Variants in LYPLAL1 observed in about 807,000 individuals in gnomAD.
LYPLAL1 encodes lysophospholipase-like protein 1.
In LYPLAL1, 23 loss-of-function variants were observed where a neutral mutation model predicts 19.7. The observed-to-expected ratio is 1.17, with a 90% CI of 0.84 to 1.65. LYPLAL1 has a LOEUF of 1.65. Ranked by LOEUF, LYPLAL1 falls within the 40% of genes most tolerant of loss-of-function variation. The pLI, the probability that LYPLAL1 is intolerant of heterozygous loss-of-function variation, is 0.00. For synonymous variants in LYPLAL1, 119 were observed against 96.3 expected (o/e 1.24, Z -1.38); for missense variants, 355 against 279.4 (o/e 1.27, Z -1.93).
chr1:219,210,623 G>A lies in LYPLAL1; in HGVS notation c.453G>A (p.Leu151=). The A allele has an allele frequency of 6.2e-7, 1 of 1,608,018 alleles. No individual in the cohort carries two copies. Among genetic ancestry groups the A allele is most frequent in the African/African-American group, 1.3e-5 (1 of 74,752 alleles). Residue 151 remains leucine (L), a synonymous_variant, in exon 4 of 5, where the codon CTG becomes CTA. Transcript: ENST00000366928. Reference sequence around the variant, plus strand: ...GAGTATTTGCTCTTTCTAGTTTTCTGAATAAAGCATCTGCTGTTTACCAGG... The same window carrying A: ...GAGTATTTGCTCTTTCTAGTTTTCTAAATAAAGCATCTGCTGTTTACCAGG... ...VAGVFALSSF[L]NKASAVYQAL...
At chr1:219,317,435 T>C in the LYPLAL1 span, among the ~76,000 whole-genome samples, 1 of 152,064 alleles carries the variant, frequency 6.6e-6, no homozygotes, top group Non-Finnish European at 1.5e-5. Context: ...CTGAGAGAGG[T>C]ACAGGGAAGT....
At chr1:219,398,039 T>C in the LYPLAL1 span, among the ~76,000 whole-genome samples, 1 of 152,216 alleles carries the variant, frequency 6.6e-6, no homozygotes, top group Non-Finnish European at 1.5e-5. Context: ...TTGGGGATCA[T>C]CTTCTTGTGA....
intron 3 of LYPLAL1, chr1:219,198,478 A>G (rs1373377264): frequency 1.3e-5 from 2 of 152,106 alleles, no homozygotes; most frequent in Non-Finnish European, 2.9e-5. Flanking sequence ...TCATGATTAC[A>G]CATTTGATAT....
chr1:219,244,039 T>A, the LYPLAL1 span, among the ~76,000 whole-genome samples: 1 of 151,326 alleles, frequency 6.6e-6, no homozygotes, highest in East Asian at 1.9e-4. Context: ...GCAGGCAAGA[T>A]CTCGGAGAGA....
the LYPLAL1 span, among the ~76,000 whole-genome samples, chr1:219,444,560 G>T: frequency 1.3e-5 from 2 of 152,178 alleles, no homozygotes; most frequent in African/African-American, 4.8e-5. Context: ...CTTCTGTTTT[G>T]AAATATTGAA....
chr1:219,302,781 A>G, the LYPLAL1 span, among the ~76,000 whole-genome samples: 1 of 151,664 alleles, frequency 6.6e-6, no homozygotes, highest in South Asian at 2.1e-4. Flanking sequence ...CCACTTTTTC[A>G]CATCCTTCTA....
At chr1:219,405,805 T>A in the LYPLAL1 span, among the ~76,000 whole-genome samples, 1 of 152,170 alleles carries the variant, frequency 6.6e-6, no homozygotes, top group South Asian at 2.1e-4. Flanking sequence ...ACAGTACCTC[T>A]GAGGAGGGTC....
At chr1:219,266,361 A>G in the LYPLAL1 span, among the ~76,000 whole-genome samples, 1 of 152,172 alleles carries the variant, frequency 6.6e-6, no homozygotes. Context: ...AGGGTCATCA[A>G]TATCACTGTC....
chr1:219,229,708 G>GC, the LYPLAL1 span, among the ~76,000 whole-genome samples: 1 of 152,228 alleles, frequency 6.6e-6, no homozygotes, highest in African/African-American at 2.4e-5. Context: ...TGGGGTCGGA[G>GC]CCCCATAGCC....
chr1:219,428,567 A>T, the LYPLAL1 span, among the ~76,000 whole-genome samples: 1 of 152,144 alleles, frequency 6.6e-6, no homozygotes, highest in African/African-American at 2.4e-5. Context: ...CCCTGACCTT[A>T]AAGAGCTTAC....
At chr1:219,399,213 G>A in the LYPLAL1 span, among the ~76,000 whole-genome samples, 1 of 152,186 alleles carries the variant, frequency 6.6e-6, no homozygotes, top group African/African-American at 2.4e-5. Flanking sequence ...CACACTGGTA[G>A]AGGCATTGGC....
At chr1:219,334,539 G>GTT in the LYPLAL1 span, among the ~76,000 whole-genome samples, 3 of 151,326 alleles carry the variant, frequency 2.0e-5, no homozygotes, top group Non-Finnish European at 4.4e-5. Context: ...GTGTGTGTGT[G>GTT]TGTGTGTGTG....
At chr1:219,419,592 C>CAGAGAGAGAGAGAGAGAGAGAG in the LYPLAL1 span, among the ~76,000 whole-genome samples, 4 of 62,682 alleles carry the variant, frequency 6.4e-5, no homozygotes, top group African/African-American at 1.9e-4. Flanking sequence ...CACACACACA[C>CAGAGAGAGAGAGAGAGAGAGAG]ACAGAGAGAG....
intron 2 of LYPLAL1, 24 bp from the exon 3 acceptor site, chr1:219,193,058 T>TAG: frequency 8.4e-7 from 1 of 1,192,570 alleles, no homozygotes; most frequent in South Asian, 1.8e-5. Flanking sequence ...TCTTTTTTTT[T>TAG]GGGGGGGGGC....
chr1:219,250,043 T>A, the LYPLAL1 span, among the ~76,000 whole-genome samples: 644 of 152,106 alleles, frequency 4.2e-3, 2 homozygotes, highest in Non-Finnish European at 7.3e-3. Flanking sequence ...ATTTATTAAT[T>A]TTCTTGTTTA....
the LYPLAL1 span, among the ~76,000 whole-genome samples, chr1:219,256,881 G>T: frequency 1.3e-5 from 2 of 151,608 alleles, no homozygotes; most frequent in African/African-American, 4.8e-5. Context: ...ATCTTTTTTT[G>T]TGGTTATTGC....
the LYPLAL1 span, among the ~76,000 whole-genome samples, chr1:219,219,123 C>T: frequency 1.3e-5 from 2 of 152,142 alleles, no homozygotes; most frequent in African/African-American, 2.4e-5. Context: ...TGAGGTGGAC[C>T]TGAATGCTTC....
chr1:219,206,464 C>T (rs1271405819), intron 3 of LYPLAL1, among the ~76,000 whole-genome samples: 1 of 151,992 alleles, frequency 6.6e-6, no homozygotes, highest in East Asian at 1.9e-4. Flanking sequence ...AAAAAATACA[C>T]AAAGTCCCTT....
the LYPLAL1 span, among the ~76,000 whole-genome samples, chr1:219,322,178 A>C: frequency 6.6e-6 from 1 of 152,162 alleles, no homozygotes; most frequent in Non-Finnish European, 1.5e-5. Flanking sequence ...CAGGTTTATC[A>C]TCACTGCCTG....
Sources: allele counts gnomAD v4.1 joint callset (sites outside exome capture counted in the v4.1 genomes callset), GRCh38; gene constraint gnomAD v4.1.1; transcripts MANE v1.5; gene names NCBI Gene and HGNC (gene_info 2026-07-23, HGNC 2026-07-21).